The following ZUP1 variants were observed in gnomAD, a reference collection of about 807,000 sequenced individuals.
The protein encoded by ZUP1 is zinc finger-containing ubiquitin peptidase 1.
A neutral mutation model predicts 68.1 loss-of-function variants in ZUP1; 55 were observed. The ratio of observed to expected loss-of-function variants is 0.81; its 90% CI spans 0.65 to 1.01. The LOEUF is 1.01. Ranked by LOEUF, ZUP1 falls within the 50% of genes least tolerant of loss-of-function variation. The pLI is 0.00. For synonymous variants in ZUP1, 223 were observed against 221.5 expected, an observed-to-expected ratio of 1.01 and a Z score of -0.06; for missense variants, 684 against 674.9, an observed-to-expected ratio of 1.01 and a Z score of -0.15.
At chr6:116,651,426 G>A in intron 7 of ZUP1, 146 bp downstream of exon 7, 1 of 611,856 alleles carries the variant, frequency 1.6e-6, no homozygotes, top group Non-Finnish European at 2.7e-6. Context: ...GCACAAGATA[G>A]TGAATAGGCT....
intron 3 of ZUP1, among the ~76,000 whole-genome samples, chr6:116,659,265 G>T (rs1451227779): frequency 1.3e-5 from 2 of 152,136 alleles, no homozygotes; most frequent in African/African-American, 2.4e-5. Flanking sequence ...GAGTAGCTGG[G>T]ATTACAGGTG....
In ZUP1 at chr6:116,667,189, G is replaced by A; in HGVS notation, c.4C>T (p.Leu2Phe). 6.4e-7 allele frequency: 1 copy of A among 1,571,104 alleles called. No individual in the cohort carries two copies. The highest frequency in any genetic ancestry group is 2.3e-5 in the East Asian group (1 of 44,232). MLSCNICGETVT... is the reference protein window; with the variant it reads MFSCNICGETVT... Reference sequence around the variant, plus strand: ...GTTTCACCACAAATATTACAGGAAAGCATGGTATTGACAAGTAGCTAGAAA... The same window carrying A: ...GTTTCACCACAAATATTACAGGAAAACATGGTATTGACAAGTAGCTAGAAA... The change falls in exon 2 of 10, where the codon CTT becomes TTT. Residue 2 changes from leucine to phenylalanine, a missense_variant. Leu to Phe is a conservative substitution (Grantham distance 22). Transcript: ENST00000368576.
intron 9 of ZUP1, among the ~76,000 whole-genome samples, chr6:116,643,890 A>G (rs1776202527): frequency 6.6e-6 from 1 of 152,214 alleles, no homozygotes; most frequent in Admixed American, 6.5e-5. Context: ...CTACCATCAG[A>G]GTGAACAGGC....
intron 9 of ZUP1, among the ~76,000 whole-genome samples, chr6:116,640,855 A>C (rs1776074123): frequency 6.6e-6 from 1 of 151,010 alleles, no homozygotes; most frequent in Non-Finnish European, 1.5e-5. Context: ...CTTTAAATGT[A>C]AATGGACTAA....
chr6:116,641,447 C>T (rs1776095126), intron 9 of ZUP1, among the ~76,000 whole-genome samples: 2 of 152,000 alleles, frequency 1.3e-5, no homozygotes. Flanking sequence ...AAGTAAAGCT[C>T]TCCTCAGCAA....
At chr6:116,638,755 G>A (rs1205940753) in intron 9 of ZUP1, among the ~76,000 whole-genome samples, 1 of 152,222 alleles carries the variant, frequency 6.6e-6, no homozygotes, top group South Asian at 2.1e-4. Context: ...CCCAGCATGA[G>A]TGACGCAGAA....
chr6:116,637,306 T>C (rs1775934964), intron 9 of ZUP1, among the ~76,000 whole-genome samples: 1 of 152,200 alleles, frequency 6.6e-6, no homozygotes, highest in Non-Finnish European at 1.5e-5. Flanking sequence ...TGGTGTCTAC[T>C]TTATAGGGCT....
chr6:116,641,061 T>G (rs1037995320), intron 9 of ZUP1, among the ~76,000 whole-genome samples: 2 of 149,334 alleles, frequency 1.3e-5, no homozygotes, highest in African/African-American at 2.5e-5. Context: ...AAAACAGACT[T>G]TAAATCAACA....
At chr6:116,656,111 C>T (rs1249615949) in intron 5 of ZUP1, among the ~76,000 whole-genome samples, 2 of 150,996 alleles carry the variant, frequency 1.3e-5, no homozygotes, top group African/African-American at 4.9e-5. Context: ...TGGAGTTTCG[C>T]TCTTGTTGCC....
At chr6:116,649,365 T>C (rs1776410258) in intron 7 of ZUP1, among the ~76,000 whole-genome samples, 1 of 151,688 alleles carries the variant, frequency 6.6e-6, no homozygotes, top group Non-Finnish European at 1.5e-5. Context: ...AATGACATAA[T>C]ACTGAAGGAA....
intron 4 of ZUP1, among the ~76,000 whole-genome samples, chr6:116,657,453 T>A (rs1229330345): frequency 6.6e-6 from 1 of 152,216 alleles, no homozygotes; most frequent in Non-Finnish European, 1.5e-5. Context: ...ACTTTTTGTA[T>A]TGATCATGTT....
At chr6:116,641,810 G>C (rs1776109523) in intron 9 of ZUP1, among the ~76,000 whole-genome samples, 2 of 152,246 alleles carry the variant, frequency 1.3e-5, no homozygotes, top group African/African-American at 4.8e-5. Context: ...ACATTCAAAA[G>C]CTAGCAGGAG....
intron 9 of ZUP1, among the ~76,000 whole-genome samples, chr6:116,639,522 C>A (rs1386531146): frequency 3.9e-5 from 6 of 152,312 alleles, no homozygotes; most frequent in African/African-American, 1.4e-4. Flanking sequence ...CAGCAGCATT[C>A]GCGGTTCACG....
At chr6:116,656,440 AC>A (rs1377115344) in intron 5 of ZUP1, among the ~76,000 whole-genome samples, 1 of 152,194 alleles carries the variant, frequency 6.6e-6, no homozygotes, top group African/African-American at 2.4e-5. Context: ...TATGTGGCTC[AC>A]ATTATATTTC....
At chr6:116,666,454 T>C (rs1000327918) in intron 2 of ZUP1, among the ~76,000 whole-genome samples, 180 bp downstream of exon 2, 1 of 152,244 alleles carries the variant, frequency 6.6e-6, no homozygotes, top group South Asian at 2.1e-4. Context: ...TATATCTGCA[T>C]TAAAATTCTT....
At position 116,635,778 on chromosome 6, in the gene ZUP1, T is replaced by C. The variant is rs1459937102; in HGVS notation, c.*54A>G. On this transcript the variant is annotated 3_prime_UTR_variant, in exon 10 of 10. Coordinates refer to ENST00000368576, the MANE Select transcript of ZUP1 (RefSeq NM_145062.3). ...TGTATTAAGGAGTTCAATATCTACA[T>C]TTAGAAAACAAAGTATTGTTCTCAA... 6.9e-6 allele frequency: 10 copies of C among 1,445,080 alleles called. No individual in the cohort carries two copies. Among genetic ancestry groups the C allele is most frequent in the Non-Finnish European group, 8.5e-6 (9 of 1,054,168 alleles). 89.5% of individuals were successfully genotyped at this position (1,445,080 alleles called of 1,614,324 possible).
Position 116,635,817 on chromosome 6 carries a change from T to G in ZUP1, c.*15A>C. 1 of 1,598,106 alleles carries G rather than the reference T, an allele frequency of 6.3e-7. No individual in the cohort carries two copies. Among genetic ancestry groups the G allele is most frequent in the Non-Finnish European group, 8.5e-7 (1 of 1,174,382 alleles). On this transcript the variant is annotated 3_prime_UTR_variant, in exon 10 of 10. Transcript: ENST00000368576. ...TATTGTTCTCAATCACTGAAATGCTTAAATGCTTGATTCTTCAAGGAATCT... is the reference window on the plus strand; with the variant it reads ...TATTGTTCTCAATCACTGAAATGCTGAAATGCTTGATTCTTCAAGGAATCT...
intron 4 of ZUP1, among the ~76,000 whole-genome samples, chr6:116,657,263 G>T (rs914378588): frequency 2.0e-5 from 3 of 152,118 alleles, no homozygotes; most frequent in Non-Finnish European, 2.9e-5. Flanking sequence ...CATTTAGTCA[G>T]TCATGTTACA....
At chr6:116,665,403 T>C (rs1296646444) in intron 2 of ZUP1, among the ~76,000 whole-genome samples, 1 of 152,040 alleles carries the variant, frequency 6.6e-6, no homozygotes, top group Non-Finnish European at 1.5e-5. Flanking sequence ...AAAAGCATGA[T>C]CCATGAAAGA....
Sources: gnomAD v4.1 joint callset for allele counts (sites outside exome capture counted in the v4.1 genomes callset) on GRCh38, gnomAD v4.1.1 for gene constraint, MANE v1.5 for transcripts, NCBI Gene and HGNC (gene_info 2026-07-23, HGNC 2026-07-21) for gene names.